The following NIPSNAP3B variants were observed in gnomAD, a reference collection of about 807,000 sequenced individuals.
The protein encoded by NIPSNAP3B is nipsnap homolog 3B.
A neutral mutation model predicts 31.5 loss-of-function variants in NIPSNAP3B; 30 were observed. The ratio of observed to expected loss-of-function variants is 0.95; its 90% CI spans 0.71 to 1.29. The LOEUF (loss-of-function observed/expected upper bound fraction) is 1.29. NIPSNAP3B is among the 50% of genes most tolerant of loss of function. NIPSNAP3B has a pLI of 0.00. For synonymous variants in NIPSNAP3B, 106 were observed against 107.9 expected (o/e 0.98, Z 0.11); for missense variants, 269 against 300.7 (o/e 0.89, Z 0.78).
chr9:104,783,290 T>A, the NIPSNAP3B span: 1 of 152,186 alleles, frequency 6.6e-6, no homozygotes, highest in Non-Finnish European at 1.5e-5. Context: ...GTACAAACAT[T>A]TTTGTCAAAA....
chr9:104,772,976 T>C (rs753471162), intron 5 of NIPSNAP3B, 21 bp from the exon 6 acceptor site: 2 of 1,614,116 alleles, frequency 1.2e-6, no homozygotes, highest in Non-Finnish European at 1.7e-6. Context: ...CTGTATGCCT[T>C]CTTATGAAAT....
At chr9:104,784,438 G>A in the NIPSNAP3B span, 1 of 1,613,962 alleles carries the variant, frequency 6.2e-7, no homozygotes, top group Admixed American at 1.7e-5. Context: ...TTTGGTCCTT[G>A]GCAAAGTTCA....
chr9:104,773,297 G>C lies in NIPSNAP3B; in HGVS notation c.*224G>C. The stretch of plus-strand genomic sequence containing the variant: ...GCATTTCAGTATCTGTTACACATTA[G>C]AAGTAGTTGTCACTATTTCATCATC... On this transcript the variant is annotated 3_prime_UTR_variant, in exon 6 of 6. Coordinates refer to ENST00000374762, the MANE Select transcript of NIPSNAP3B (RefSeq NM_018376.4). 2 of 501,502 alleles carry C rather than the reference G, an allele frequency of 4.0e-6. No homozygotes were observed. Among genetic ancestry groups the C allele is most frequent in the Non-Finnish European group, 3.5e-6 (1 of 284,446 alleles). The allele number at this position is 501,502 out of a possible 1,614,324, so 31.1% of individuals were successfully genotyped here.
chr9:104,787,709 A>C, the NIPSNAP3B span: 1 of 323,084 alleles, frequency 3.1e-6, no homozygotes, highest in Non-Finnish European at 4.4e-6. Context: ...AAGTGCTTGG[A>C]GTGCCTCTAT....
chr9:104,784,649 T>G, the NIPSNAP3B span, among the ~76,000 whole-genome samples: 1 of 152,028 alleles, frequency 6.6e-6, no homozygotes, highest in East Asian at 1.9e-4. Context: ...AAAATAGACT[T>G]TTTTTCCCCC....
the NIPSNAP3B span, chr9:104,787,684 T>A: frequency 4.8e-6 from 1 of 210,234 alleles, no homozygotes; most frequent in African/African-American, 2.4e-5. Context: ...CCAGCCTCAA[T>A]CACGCTAAGA....
In NIPSNAP3B at chr9:104,764,231, A is replaced by G; in HGVS notation, c.-10A>G. ...CGGCTGGCTGCTTTTCTCAGTGCCG[A>G]AGCCGCGCCATGCTCGTTCTCAGAA... On this transcript the variant is annotated 5_prime_UTR_variant, in exon 1 of 6. Transcript: ENST00000374762. 1.9e-6 allele frequency: 3 copies of G among 1,600,544 alleles called. No individual in the cohort carries two copies. The highest frequency in any genetic ancestry group is 1.7e-6 in the Non-Finnish European group (2 of 1,175,442).
At chr9:104,767,074 TTC>T (rs1554691688) in intron 2 of NIPSNAP3B, among the ~76,000 whole-genome samples, 2 of 151,840 alleles carry the variant, frequency 1.3e-5, no homozygotes, top group Non-Finnish European at 1.5e-5. Flanking sequence ...AATTTTTTTT[TTC>T]TTATTATTGT....
intron 2 of NIPSNAP3B, among the ~76,000 whole-genome samples, chr9:104,768,128 A>C (rs4743760): frequency 0.16 from 24,034 of 152,124 alleles, 2,551 homozygotes; most frequent in East Asian, 0.49. Context: ...CAGTTGGTTG[A>C]ATCCACAGAT....
chr9:104,789,209 G>T, the NIPSNAP3B span, among the ~76,000 whole-genome samples: 1 of 152,174 alleles, frequency 6.6e-6, no homozygotes. Context: ...TCAGAATTAG[G>T]ATTGAGGCAC....
rs183193913 is a variant in NIPSNAP3B, at chr9:104,776,005, T to C, written c.*2932T>C. 5.9e-5 allele frequency among the ~76,000 whole-genome samples: 9 copies of C among 152,262 alleles called. No homozygotes were observed. The East Asian group carries it at 1.7e-3, about 29-fold the overall frequency. On this transcript the variant is annotated 3_prime_UTR_variant, in exon 6 of 6. Transcript: ENST00000374762. ...TCTGCTCTCAACCCTATTTTCAACA[T>C]AGCAGTCAGAATAATCTAAAATATA...
In NIPSNAP3B at chr9:104,770,848, G is replaced by C; in HGVS notation, c.431-1G>C. On this transcript the variant is annotated splice_acceptor_variant, in intron 3 of 5. Coordinates refer to ENST00000374762, the MANE Select transcript of NIPSNAP3B (RefSeq NM_018376.4). LOFTEE classifies it high-confidence loss of function. ...AATAATTATTTTTCTCCCTATTCTA[G>C]GAGTCTATGAACTAGCTGTTTTTCA... 7 of 1,612,936 alleles carry C rather than the reference G, an allele frequency of 4.3e-6. No homozygotes were observed. Among genetic ancestry groups the C allele is most frequent in the Non-Finnish European group, 5.9e-6 (7 of 1,179,250 alleles).
intron 4 of NIPSNAP3B, among the ~76,000 whole-genome samples, chr9:104,772,592 G>GC (rs1222982740): frequency 4.6e-5 from 7 of 151,936 alleles, no homozygotes; most frequent in African/African-American, 1.7e-4. Flanking sequence ...TCTTAATTGT[G>GC]CCTTAAGCTG....
At chr9:104,788,159 C>A in the NIPSNAP3B span, 1 of 1,326,794 alleles carries the variant, frequency 7.5e-7, no homozygotes, top group Non-Finnish European at 1.1e-6. Flanking sequence ...GGACTAGATT[C>A]TATAATCATA....
At position 104,773,117 on chromosome 9, in the gene NIPSNAP3B, G is replaced by C. The variant is rs1395014967; in HGVS notation, c.*44G>C. The C allele has an allele frequency of 1.9e-6, 3 of 1,575,056 alleles. No individual in the cohort carries two copies. Among genetic ancestry groups the C allele is most frequent in the Admixed American group, 1.7e-5 (1 of 59,678 alleles). ...AACATTTCATTAACTGCTCTAAGATGTGTCTGCTAATGGTGCTTAAATTCT... is the reference window on the plus strand; with the variant it reads ...AACATTTCATTAACTGCTCTAAGATCTGTCTGCTAATGGTGCTTAAATTCT... On this transcript the variant is annotated 3_prime_UTR_variant, in exon 6 of 6. Transcript: ENST00000374762.
At chr9:104,779,621 G>GT (rs11432680), downstream of NIPSNAP3B, among the ~76,000 whole-genome samples, 48,931 of 146,914 alleles carry the variant, frequency 0.33, 8,786 homozygotes, top group Non-Finnish European at 0.42. Flanking sequence ...AGCTAAGTGG[G>GT]TTTTTTTTTT....
chr9:104,770,898 G>A lies in NIPSNAP3B; in HGVS notation c.480G>A (p.Leu160=). ...AGATGAAACCTGGTGGGCCAGCTCT[G>A]TGGGGTGATGCATTTGAAAGAGCAA... The part of the protein sequence containing the change: ...VFQMKPGGPA[L]WGDAFERAIN... Residue 160 remains leucine, a synonymous_variant, in exon 4 of 6, where the codon CTG becomes CTA. Coordinates refer to ENST00000374762, the MANE Select transcript of NIPSNAP3B (RefSeq NM_018376.4). 6.2e-7 allele frequency: 1 copy of A among 1,613,872 alleles called. No individual in the cohort carries two copies. The highest frequency in any genetic ancestry group is 8.5e-7 in the Non-Finnish European group (1 of 1,179,778).
At chr9:104,790,657 A>AAAT in the NIPSNAP3B span, among the ~76,000 whole-genome samples, 1 of 152,226 alleles carries the variant, frequency 6.6e-6, no homozygotes, top group African/African-American at 2.4e-5. Flanking sequence ...TATACTCTTA[A>AAAT]AAAACAAGCA....
rs1381037983 is a variant in NIPSNAP3B at position 104,775,895 on chromosome 9, C to T, written c.*2822C>T. Among the ~76,000 whole-genome samples, 1 of 152,214 alleles carries T rather than the reference C, an allele frequency of 6.6e-6. No individual in the cohort carries two copies. The highest frequency in any genetic ancestry group is 1.5e-5 in the Non-Finnish European group (1 of 68,036). On this transcript the variant is annotated 3_prime_UTR_variant, in exon 6 of 6. Transcript: ENST00000374762. ...AAATATCTAGAATTTGATTGCTTCA[C>T]ATCCCTATAGCAACTCTCCTGGTTC... is the stretch of plus-strand genomic sequence containing the variant.
Sources: gnomAD v4.1 joint callset for allele counts (sites outside exome capture counted in the v4.1 genomes callset) on GRCh38, gnomAD v4.1.1 for gene constraint, MANE v1.5 for transcripts, NCBI Gene and HGNC (gene_info 2026-07-23, HGNC 2026-07-21) for gene names.